The following PTPRD variants were observed in gnomAD, a reference collection of about 807,000 sequenced individuals.
PTPRD encodes receptor-type tyrosine-protein phosphatase delta.
A neutral mutation model predicts 214.5 loss-of-function variants in PTPRD; 34 were observed. The ratio of observed to expected loss-of-function variants is 0.16; its 90% confidence interval spans 0.12 to 0.21. The LOEUF (loss-of-function observed/expected upper bound fraction) is 0.21, where lower values mean the gene tolerates loss of function less well. PTPRD is among the 10% of genes least tolerant of loss of function. The probability of loss-of-function intolerance (pLI) is 1.00; values close to 1 mark genes in which losing one functional copy is unlikely to be tolerated. For missense variants in PTPRD, 2,545 were observed against 2,398.7 expected, an observed-to-expected ratio of 1.06 and a Z score of -1.27; for synonymous variants, 1,128 against 845.7, an observed-to-expected ratio of 1.33 and a Z score of -5.79.
chr9:8,873,098 C>A (rs553622517), intron 11 of PTPRD, among the ~76,000 whole-genome samples: 98 of 152,326 alleles, frequency 6.4e-4, no homozygotes, highest in African/African-American at 2.3e-3. Flanking sequence ...TCTAATCTGT[C>A]TGCCTAATGG....
At chr9:9,888,891 C>T (rs2072061829) in intron 5 of PTPRD, among the ~76,000 whole-genome samples, 1 of 152,108 alleles carries the variant, frequency 6.6e-6, no homozygotes, top group Non-Finnish European at 1.5e-5. Flanking sequence ...TCACCTATTG[C>T]AGTACCTCTT....
At chr9:10,360,446 C>T (rs2097357540) in intron 2 of PTPRD, among the ~76,000 whole-genome samples, 1 of 152,174 alleles carries the variant, frequency 6.6e-6, no homozygotes, top group Non-Finnish European at 1.5e-5. Flanking sequence ...GACTTTAATC[C>T]ACATAACATG....
At chr9:8,383,181 T>C (rs1365888872) in intron 37 of PTPRD, among the ~76,000 whole-genome samples, 1 of 152,222 alleles carries the variant, frequency 6.6e-6, no homozygotes, top group Non-Finnish European at 1.5e-5. Flanking sequence ...ACAATCTCTT[T>C]TTCTACTGCT....
rs3046878 is a variant in PTPRD, at chr9:8,870,687, AAC to A, written c.-103-136743_-103-136742del. ...ACAGGGTTATAAGACACAGACATGA[AAC>A]ACACACACACACACACACACACACA... On this transcript the variant is annotated intron_variant, in intron 11 of 45. Coordinates refer to ENST00000381196, the MANE Select transcript of PTPRD (RefSeq NM_002839.4). Among the ~76,000 whole-genome samples the A allele has an allele frequency of 4.8e-3, 627 of 131,464 alleles. 7 individuals are homozygous for A. The highest frequency in any genetic ancestry group is 0.022 in the Middle Eastern group (5 of 230). The allele number at this position is 131,464 out of a possible 152,430, so 86.2% of individuals were successfully genotyped here.
At chr9:10,220,906 C>A (rs1244372895) in intron 3 of PTPRD, among the ~76,000 whole-genome samples, 3 of 151,228 alleles carry the variant, frequency 2.0e-5, no homozygotes, top group African/African-American at 7.3e-5. Context: ...AGCTAAAGGG[C>A]ACAAGGAAGA....
intron 7 of PTPRD, among the ~76,000 whole-genome samples, chr9:9,644,426 T>C (rs1307019319): frequency 2.0e-5 from 3 of 152,222 alleles, no homozygotes; most frequent in Non-Finnish European, 4.4e-5. Flanking sequence ...ATTGCTTTAT[T>C]CTCAGAATCA....
intron 10 of PTPRD, among the ~76,000 whole-genome samples, chr9:9,061,527 C>G (rs2099707377): frequency 6.6e-6 from 1 of 152,106 alleles, no homozygotes; most frequent in African/African-American, 2.4e-5. Context: ...CATATATAGC[C>G]TGAGCCTTCT....
intron 3 of PTPRD, among the ~76,000 whole-genome samples, chr9:10,072,085 T>C (rs1328539625): frequency 1.3e-5 from 2 of 151,958 alleles, no homozygotes; most frequent in Non-Finnish European, 1.5e-5. Flanking sequence ...ACTGGGAGAA[T>C]ATATTTGCAA....
chr9:9,989,283 T>C (rs2095831498), intron 4 of PTPRD, among the ~76,000 whole-genome samples: 1 of 152,062 alleles, frequency 6.6e-6, no homozygotes, highest in African/African-American at 2.4e-5. Context: ...AGAGCATGCA[T>C]TCCTGTTTTC....
At chr9:8,775,613 G>C (rs566161452) in intron 11 of PTPRD, among the ~76,000 whole-genome samples, 1 of 152,098 alleles carries the variant, frequency 6.6e-6, no homozygotes, top group African/African-American at 2.4e-5. Flanking sequence ...AGAGTCAAGG[G>C]GTACATACAC....
At chr9:10,160,717 C>G (rs1208138638) in intron 3 of PTPRD, among the ~76,000 whole-genome samples, 1 of 151,772 alleles carries the variant, frequency 6.6e-6, no homozygotes, top group Non-Finnish European at 1.5e-5. Context: ...TACTGGAAGC[C>G]CTAGCCACAG....
intron 3 of PTPRD, among the ~76,000 whole-genome samples, chr9:10,206,414 T>A (rs1410170622): frequency 6.6e-6 from 1 of 152,148 alleles, no homozygotes; most frequent in Non-Finnish European, 1.5e-5. Flanking sequence ...AGACATACAT[T>A]TGATAAAACC....
At chr9:8,407,989 A>C (rs971797488) in intron 35 of PTPRD, among the ~76,000 whole-genome samples, 1 of 152,246 alleles carries the variant, frequency 6.6e-6, no homozygotes, top group Non-Finnish European at 1.5e-5. Context: ...GGTTGAGGAA[A>C]ATCAAATTTC....
chr9:9,529,302 A>T (rs575398255), intron 8 of PTPRD, among the ~76,000 whole-genome samples: 3 of 146,136 alleles, frequency 2.1e-5, no homozygotes, highest in Admixed American at 1.4e-4. Flanking sequence ...TGGATTCATT[A>T]AAAAAAAAAA....
chr9:9,324,452 A>C (rs1243031621), intron 9 of PTPRD, among the ~76,000 whole-genome samples: 1 of 151,982 alleles, frequency 6.6e-6, no homozygotes, highest in African/African-American at 2.4e-5. Flanking sequence ...GATGATGAGC[A>C]TTTTTTCATG....
chr9:10,567,257 C>T (rs1236031376), intron 2 of PTPRD, among the ~76,000 whole-genome samples: 1 of 152,000 alleles, frequency 6.6e-6, no homozygotes, highest in African/African-American at 2.4e-5. Flanking sequence ...TCTTAATTTA[C>T]TGTGGTCACA....
At chr9:9,928,525 G>A (rs1475458946) in intron 5 of PTPRD, among the ~76,000 whole-genome samples, 1 of 151,996 alleles carries the variant, frequency 6.6e-6, no homozygotes, top group Non-Finnish European at 1.5e-5. Context: ...CTTACACAAA[G>A]TAAAGAGATA....
intron 7 of PTPRD, among the ~76,000 whole-genome samples, chr9:9,591,256 T>C (rs1232044750): frequency 2.0e-5 from 3 of 151,802 alleles, no homozygotes; most frequent in South Asian, 2.1e-4. Context: ...GGAGGACATA[T>C]GGAAGGCATG....
intron 9 of PTPRD, among the ~76,000 whole-genome samples, chr9:9,226,588 G>T (rs1594033500): frequency 6.6e-6 from 1 of 151,952 alleles, no homozygotes; most frequent in South Asian, 2.1e-4. Context: ...AAGGAACATT[G>T]TATTGTTTCA....
Sources: gnomAD v4.1 joint callset for allele counts (sites outside exome capture counted in the v4.1 genomes callset) on GRCh38, gnomAD v4.1.1 for gene constraint, MANE v1.5 for transcripts, NCBI Gene and HGNC (gene_info 2026-07-23, HGNC 2026-07-21) for gene names.